NDEL1: variants seen among roughly 807,000 people sequenced by gnomAD.
The protein encoded by NDEL1 is nuclear distribution protein nudE-like 1.
NDEL1 carries 9 observed loss-of-function variants against 45.7 expected under a neutral mutation model. The ratio of observed to expected loss-of-function variants is 0.20; its 90% CI spans 0.12 to 0.34. The LOEUF is 0.34. Ranked by LOEUF, NDEL1 falls within the 10% of genes least tolerant of loss-of-function variation. The pLI, the probability that NDEL1 is intolerant of heterozygous loss-of-function variation, is 1.00. For synonymous variants in NDEL1, 133 were observed against 158.6 expected (o/e 0.84, Z 1.21); for missense variants, 306 against 406.2 (o/e 0.75, Z 2.12).
At chr17:8,426,898 A>C (rs1408316141) in intron 1 of NDEL1, among the ~76,000 whole-genome samples, 1 of 152,130 alleles carries the variant, frequency 6.6e-6, no homozygotes, top group Non-Finnish European at 1.5e-5. Context: ...CCTTCATAGG[A>C]AGGCCTGTTT....
At chr17:8,447,014 T>C in intron 4 of NDEL1, 112 bp downstream of exon 4, 10 of 1,343,270 alleles carry the variant, frequency 7.4e-6, no homozygotes, top group Non-Finnish European at 1.0e-5. Context: ...CCTGTTGGTG[T>C]TTCATGTCAC....
intron 1 of NDEL1, among the ~76,000 whole-genome samples, chr17:8,415,902 C>T (rs1908536486): frequency 6.6e-6 from 1 of 152,160 alleles, no homozygotes; most frequent in African/African-American, 2.4e-5. Context: ...CGCCTGCCAC[C>T]ATGTCCGGCT....
chr17:8,447,350 C>T (rs1438232757), intron 4 of NDEL1, among the ~76,000 whole-genome samples: 2 of 152,186 alleles, frequency 1.3e-5, no homozygotes, highest in African/African-American at 4.8e-5. Flanking sequence ...GCCATGTTGG[C>T]CAGGCTGGTC....
chr17:8,415,050 T>TTTTCTC (rs796732584), intron 1 of NDEL1, among the ~76,000 whole-genome samples: 3 of 152,268 alleles, frequency 2.0e-5, no homozygotes, highest in African/African-American at 7.2e-5. Context: ...AGGAGTTCCC[T>TTTTCTC]TTTCTCTTTC....
chr17:8,462,813 T>C (rs1484076234), intron 8 of NDEL1: 1 of 152,408 alleles, frequency 6.6e-6, no homozygotes, highest in Non-Finnish European at 1.5e-5. Context: ...GGTTTGTGTG[T>C]GTGTGCATGT....
intron 1 of NDEL1, chr17:8,443,874 A>G (rs1176439623): frequency 6.3e-6 from 1 of 158,424 alleles, no homozygotes; most frequent in Non-Finnish European, 1.4e-5. Context: ...GGCAGCATGC[A>G]TGCGGTAGCA....
intron 4 of NDEL1, among the ~76,000 whole-genome samples, chr17:8,447,208 T>C (rs1044495529): frequency 6.6e-6 from 1 of 152,234 alleles, no homozygotes; most frequent in African/African-American, 2.4e-5. Flanking sequence ...AGTGGCATGA[T>C]CTCGGCTCAC....
downstream of NDEL1, among the ~76,000 whole-genome samples, chr17:8,473,083 A>T (rs1253736550): frequency 6.6e-6 from 1 of 152,208 alleles, no homozygotes; most frequent in Non-Finnish European, 1.5e-5. Flanking sequence ...GTATCTTTGC[A>T]GAATCAGGGC....
intron 1 of NDEL1, among the ~76,000 whole-genome samples, chr17:8,422,263 G>A (rs1908722350): frequency 6.6e-6 from 1 of 152,208 alleles, no homozygotes; most frequent in African/African-American, 2.4e-5. Context: ...TGTTGAAACA[G>A]CAACGTGCTT....
At chr17:8,435,854 GC>G (rs1290813336), upstream of NDEL1, 1 of 446,558 alleles carries the variant, frequency 2.2e-6, no homozygotes, top group African/African-American at 2.1e-5. Context: ...CCGCCCCCGT[GC>G]GTCACAGAAT....
intron 6 of NDEL1, 74 bp downstream of exon 6, chr17:8,451,027 T>C: frequency 6.9e-7 from 1 of 1,440,980 alleles, no homozygotes; most frequent in East Asian, 2.4e-5. Flanking sequence ...TGAAGGCGGT[T>C]GCTAAGGTTT....
chr17:8,434,456 A>T (rs1909121501), upstream of NDEL1, among the ~76,000 whole-genome samples: 1 of 151,918 alleles, frequency 6.6e-6, no homozygotes, highest in African/African-American at 2.4e-5. Context: ...GCCTCAGGTG[A>T]TTTGCCCGCC....
intron 7 of NDEL1, among the ~76,000 whole-genome samples, chr17:8,456,634 G>A (rs554616803): frequency 1.3e-5 from 2 of 151,868 alleles, no homozygotes; most frequent in African/African-American, 4.8e-5. Flanking sequence ...GAGTAGCTGG[G>A]ATTACAGGCA....
At chr17:8,463,146 C>T in intron 8 of NDEL1, 1 of 490,808 alleles carries the variant, frequency 2.0e-6, no homozygotes, top group Non-Finnish European at 3.7e-6. Flanking sequence ...CTCTCAAAAA[C>T]ACTCTTTTTT....
intron 1 of NDEL1, among the ~76,000 whole-genome samples, chr17:8,413,659 G>C (rs967720643): frequency 2.0e-5 from 3 of 152,218 alleles, no homozygotes; most frequent in Non-Finnish European, 4.4e-5. Flanking sequence ...AAGCCATGCT[G>C]AGCTGACCAA....
rs372507423 is a variant in NDEL1 at position 8,460,130 on chromosome 17, G to C, written c.914G>C (p.Arg305Pro). ...VLNGNGTKFS[R>P]SGHTSFFDKG... is the part of the protein sequence containing the mutation. ...AATGGCAATGGCACAAAGTTCTCTC[G>C]ATCAGGGCATACATCTTTCTTCGAC... The change falls in exon 8 of 9, where the codon CGA becomes CCA. Residue 305 changes from arginine (R) to proline (P), a missense_variant. Arg to Pro is a moderately radical substitution (Grantham distance 103). Around this residue, in one of 3 missense-constraint regions of NDEL1, gnomAD observed 175 missense variants for 205.2 expected, o/e 0.85. Transcript: ENST00000334527. The C allele has an allele frequency of 1.9e-6, 3 of 1,614,066 alleles. No individual in the cohort carries two copies. Among genetic ancestry groups the C allele is most frequent in the Non-Finnish European group, 2.5e-6 (3 of 1,180,000 alleles).
downstream of NDEL1, among the ~76,000 whole-genome samples, chr17:8,470,183 G>A (rs1321960174): frequency 3.3e-5 from 5 of 152,140 alleles, no homozygotes; most frequent in Admixed American, 2.0e-4. This position sits in a 1 kb window ranked among gnomAD's most constrained non-coding sequence, Gnocchi z 4.2. Flanking sequence ...GCTACGTACC[G>A]TTTGCCTGTC....
At chr17:8,425,782 TC>T (rs923130046) in intron 1 of NDEL1, among the ~76,000 whole-genome samples, 2 of 151,572 alleles carry the variant, frequency 1.3e-5, no homozygotes, top group African/African-American at 4.9e-5. Context: ...GGGTTCTTTG[TC>T]TTTTTTTTTT....
In NDEL1 at chr17:8,426,161, G is replaced by A. The variant is rs796311753; in HGVS notation, c.-13+12892G>A. Among the ~76,000 whole-genome samples the A allele has an allele frequency of 2.0e-5, 3 of 152,254 alleles. 1 individual carries two copies. The highest frequency in any genetic ancestry group is 7.2e-5 in the African/African-American group (3 of 41,562). On this transcript the variant is annotated intron_variant, in intron 1 of 4. Coordinates refer to the NDEL1 transcript ENST00000582812. ...TTCATTTTTAGAAAATCTCCAGGAA[G>A]GAAAGAATTTAGCTTCTTTTGTTAA... is the stretch of plus-strand genomic sequence containing the variant.
Sources: allele counts gnomAD v4.1 joint callset (sites outside exome capture counted in the v4.1 genomes callset), GRCh38; gene constraint gnomAD v4.1.1; regional missense constraint gnomAD v4.1.1; non-coding constraint Gnocchi (gnomAD v3.1); transcripts MANE v1.5; gene names NCBI Gene and HGNC (gene_info 2026-07-23, HGNC 2026-07-21).